PLXNA2: variants seen among roughly 807,000 people sequenced by gnomAD.
PLXNA2 encodes plexin-A2.
PLXNA2 carries 91 observed loss-of-function variants against 193.5 expected under a neutral mutation model. That is an observed-to-expected ratio of 0.47 (90% CI 0.40 to 0.56). The LOEUF (loss-of-function observed/expected upper bound fraction) is 0.56. Ranked by LOEUF, PLXNA2 falls within the 20% of genes least tolerant of loss-of-function variation. The probability of loss-of-function intolerance (pLI) is 0.00; values close to 1 mark genes in which losing one functional copy is unlikely to be tolerated. For missense variants in PLXNA2, 1,995 were observed against 2,503.2 expected, an observed-to-expected ratio of 0.80 and a Z score of 4.33; for synonymous variants, 997 against 1,027.3, an observed-to-expected ratio of 0.97 and a Z score of 0.56.
chr1:208,098,039 G>A lies in PLXNA2; in HGVS notation c.1731+807C>T, dbSNP rs568792377. 2.6e-5 allele frequency among the ~76,000 whole-genome samples: 4 copies of A among 152,130 alleles called. No homozygotes were observed. The South Asian group carries it at 6.2e-4, about 24-fold the overall frequency. On this transcript the variant is annotated intron_variant, in intron 6 of 31. Coordinates refer to ENST00000367033, the MANE Select transcript of PLXNA2 (RefSeq NM_025179.4). ...CCCTCTATCTTCCTATCAATACCCA[G>A]TGGTGTTATTTGCAGTGGGTTTCTC...
chr1:208,209,983 ATTT>A lies in PLXNA2; in HGVS notation c.1371+294_1371+296del, dbSNP rs1553297870. On this transcript the variant is annotated intron_variant, in intron 3 of 31. Coordinates refer to ENST00000367033, the MANE Select transcript of PLXNA2 (RefSeq NM_025179.4). ...TTGCTTGATTTGGGAATGAAGAGCA[ATTT>A]TTTTTTTTTTTTTTTTTTGCTTTTG... is the stretch of plus-strand genomic sequence containing the variant. The A allele has an allele frequency of 4.3e-3, 380 of 87,786 alleles. 19 individuals carry two copies. Among genetic ancestry groups the A allele is most frequent in the South Asian group, 0.016 (64 of 3,952 alleles). 5.4% of individuals were successfully genotyped at this position (87,786 alleles called of 1,614,324 possible). A position where few individuals can be genotyped will look rare whatever the true frequency, so the allele number is the denominator to read the frequency against.
In PLXNA2 at chr1:208,023,819, A is replaced by G. The variant is rs562635899; in HGVS notation, c.*3424T>C. On this transcript the variant is annotated 3_prime_UTR_variant, in exon 32 of 32. Coordinates refer to ENST00000367033, the MANE Select transcript of PLXNA2 (RefSeq NM_025179.4). ...CCATCTCTAGAGCAGTGGCTGGCAG[A>G]CAGTGGCTACTCAAGAAGGTTCCCA... is the stretch of plus-strand genomic sequence containing the variant. 1.3e-5 allele frequency: 2 copies of G among 152,430 alleles called. No homozygotes were observed. Among genetic ancestry groups the G allele is most frequent in the East Asian group, 3.9e-4 (2 of 5,192 alleles). The allele number at this position is 152,430 out of a possible 1,614,324, so 9.4% of individuals were successfully genotyped here.
intron 3 of PLXNA2, among the ~76,000 whole-genome samples, chr1:208,197,756 C>T (rs898735664): frequency 6.6e-6 from 1 of 152,202 alleles, no homozygotes; most frequent in African/African-American, 2.4e-5. Flanking sequence ...TGGCTACGAG[C>T]TGTCTGAAGC....
At chr1:208,150,913 C>G (rs1056545398) in intron 3 of PLXNA2, among the ~76,000 whole-genome samples, 1 of 152,216 alleles carries the variant, frequency 6.6e-6, no homozygotes, top group Non-Finnish European at 1.5e-5. Context: ...AGGGCCAGGA[C>G]AAGAGCTTAT....
rs191139390 is a variant in PLXNA2, at chr1:208,177,847, C to A, written c.1371+32433G>T. Among the ~76,000 whole-genome samples the A allele has an allele frequency of 7.6e-4, 116 of 152,336 alleles. 2 individuals carry two copies. The highest frequency in any genetic ancestry group is 4.6e-3 in the South Asian group (22 of 4,832). ...CAGAAACTCTGGGGGTGGGACCCAG[C>A]AATTTGCGTTTTAACAAGCAGTCAG... is the stretch of plus-strand genomic sequence containing the variant. On this transcript the variant is annotated intron_variant, in intron 3 of 31. Transcript: ENST00000367033.
chr1:208,159,645 G>A lies in PLXNA2; in HGVS notation c.1372-17182C>T, dbSNP rs927873321. The stretch of plus-strand genomic sequence containing the variant: ...GAAGATCTGAAAGTCTGGTGCTACC[G>A]TGACGCCCACTTGCAATTCTTGCTG... On this transcript the variant is annotated intron_variant, in intron 3 of 31. Coordinates refer to ENST00000367033, the MANE Select transcript of PLXNA2 (RefSeq NM_025179.4). Among the ~76,000 whole-genome samples the A allele has an allele frequency of 4.6e-5, 7 of 152,350 alleles. No individual in the cohort carries two copies. The East Asian group carries it at 7.7e-4, about 17-fold the overall frequency.
chr1:208,200,598 T>TC (rs1214591365), intron 3 of PLXNA2, among the ~76,000 whole-genome samples: 1 of 98,706 alleles, frequency 1.0e-5, no homozygotes, highest in Non-Finnish European at 2.3e-5. Context: ...TTTTTTTTTT[T>TC]TTCTTTTTTT....
chr1:208,175,604 A>G (rs1357861327), intron 3 of PLXNA2, among the ~76,000 whole-genome samples: 1 of 152,138 alleles, frequency 6.6e-6, no homozygotes, highest in Non-Finnish European at 1.5e-5. Context: ...GTCTGATTGG[A>G]ACTATGTTCT....
Position 208,241,843 on chromosome 1 carries a change from G to A in PLXNA2, c.-81+1800C>T, listed in dbSNP as rs200716584. On this transcript the variant is annotated intron_variant, in intron 1 of 31. Transcript: ENST00000367033. Reference sequence around the variant, plus strand: ...GCAGCAGGGGCAAGTTCTGGAATGAGGAGGGGTTGGTGGTGATGCCAGGTG... The same window carrying A: ...GCAGCAGGGGCAAGTTCTGGAATGAAGAGGGGTTGGTGGTGATGCCAGGTG... Among the ~76,000 whole-genome samples the A allele has an allele frequency of 2.0e-5, 3 of 152,166 alleles. No individual in the cohort carries two copies. In the East Asian group the frequency reaches 5.8e-4, roughly 29 times the overall value.
intron 3 of PLXNA2, among the ~76,000 whole-genome samples, chr1:208,197,101 A>G (rs1034149220): frequency 1.3e-5 from 2 of 152,234 alleles, no homozygotes; most frequent in African/African-American, 2.4e-5. Flanking sequence ...CGTACTTAGT[A>G]AATAGTAGAG....
intron 3 of PLXNA2, among the ~76,000 whole-genome samples, chr1:208,182,489 G>C (rs969400231): frequency 1.3e-5 from 2 of 152,092 alleles, no homozygotes; most frequent in African/African-American, 4.8e-5. Context: ...CCAAAAAACT[G>C]CAAGAGAATT....
intron 2 of PLXNA2, among the ~76,000 whole-genome samples, chr1:208,211,861 T>A (rs961200788): frequency 1.3e-5 from 2 of 152,010 alleles, no homozygotes; most frequent in Non-Finnish European, 2.9e-5. Flanking sequence ...AGATCTTAGG[T>A]CTCTCATCTA....
intron 29 of PLXNA2, chr1:208,030,721 A>G (rs685379): frequency 0.99 from 976,832 of 985,416 alleles, 484,693 homozygotes; most frequent in East Asian, 1. Context: ...GGAGACCGCT[A>G]ACTCCAGACA....
chr1:208,163,473 AG>A (rs1669198568), intron 3 of PLXNA2, among the ~76,000 whole-genome samples: 1 of 152,076 alleles, frequency 6.6e-6, no homozygotes, highest in South Asian at 2.1e-4. Context: ...AGAGAGAGGG[AG>A]CAGTATGGGA....
chr1:208,046,769 T>G, intron 17 of PLXNA2, among the ~76,000 whole-genome samples: 1 of 139,378 alleles, frequency 7.2e-6, no homozygotes, highest in African/African-American at 2.7e-5. Flanking sequence ...CATGGGATGT[T>G]TGAGAAAAAA....
intron 26 of PLXNA2, among the ~76,000 whole-genome samples, chr1:208,035,326 G>A (rs1664637682): frequency 6.6e-6 from 1 of 152,132 alleles, no homozygotes. Context: ...ATTTTATTTC[G>A]AGTCACACTG....
intron 1 of PLXNA2, among the ~76,000 whole-genome samples, chr1:208,222,916 C>G (rs935376350): frequency 1.3e-5 from 2 of 152,156 alleles, no homozygotes; most frequent in Non-Finnish European, 2.9e-5. Context: ...TCATCAACAT[C>G]ATCGTCACCT....
intron 26 of PLXNA2, among the ~76,000 whole-genome samples, chr1:208,036,492 C>CGGT (rs1664673925): frequency 6.6e-6 from 1 of 152,034 alleles, no homozygotes; most frequent in Admixed American, 6.5e-5. Flanking sequence ...TGAGCCTTAC[C>CGGT]GGTCAGTGGG....
rs573133824 is a variant in PLXNA2 at position 208,129,744 on chromosome 1, A to G, written c.1506+12585T>C. Among the ~76,000 whole-genome samples, 193 of 152,300 alleles carry G rather than the reference A, an allele frequency of 1.3e-3. 1 individual carries two copies. Among genetic ancestry groups the G allele is most frequent in the African/African-American group, 4.3e-3 (179 of 41,568 alleles). ...CTCTCCTGTAATCCCAGCACTCTGC[A>G]TACTGTATTGTAACTCACTACTTAC... On this transcript the variant is annotated intron_variant, in intron 4 of 31. Coordinates refer to ENST00000367033, the MANE Select transcript of PLXNA2 (RefSeq NM_025179.4).
Sources: allele counts gnomAD v4.1 joint callset (sites outside exome capture counted in the v4.1 genomes callset), GRCh38; gene constraint gnomAD v4.1.1; transcripts MANE v1.5; gene names NCBI Gene and HGNC (gene_info 2026-07-23, HGNC 2026-07-21).